IPO7: variants seen among roughly 807,000 people sequenced by gnomAD.
IPO7 encodes importin-7.
Under a neutral mutation model 136.4 loss-of-function variants are expected in IPO7, and 13 were observed. The observed-to-expected ratio is 0.10, with a 90% CI of 0.06 to 0.15. The LOEUF (loss-of-function observed/expected upper bound fraction) is 0.15. IPO7 is among the 10% of genes least tolerant of loss of function. IPO7 has a pLI of 1.00. For synonymous variants in IPO7, 403 were observed against 404.4 expected, an observed-to-expected ratio of 1.00 and a Z score of 0.04; for missense variants, 857 against 1,240.6, an observed-to-expected ratio of 0.69 and a Z score of 4.65.
chr11:9,433,577 A>C lies in IPO7; in HGVS notation c.1889A>C (p.Gln630Pro), dbSNP rs760358330. 3.7e-6 allele frequency: 6 copies of C among 1,611,688 alleles called. No homozygotes were observed. Among genetic ancestry groups the C allele is most frequent in the Non-Finnish European group, 5.1e-6 (6 of 1,179,610 alleles). Reference sequence around the variant, plus strand: ...TTTTTTCTTCTCTTTTAGATAACCCAACAGCTTGAGGGAATCTGCTTACAG... The same window carrying C: ...TTTTTTCTTCTCTTTTAGATAACCCCACAGCTTGAGGGAATCTGCTTACAG... ...SVVEDHKEIT[Q>P]QLEGICLQVI... The change falls in exon 17 of 25, where the codon CAA (glutamine) becomes CCA (proline). Residue 630 changes from glutamine (Q) to proline (P), a missense_variant. This residue lies in a region of IPO7 where 190 missense variants were observed against 249.0 expected (regional missense o/e 0.76). Coordinates refer to ENST00000379719, the MANE Select transcript of IPO7 (RefSeq NM_006391.3).
At chr11:9,422,955 G>T in intron 8 of IPO7, 51 bp from the exon 9 acceptor site, 1 of 1,272,416 alleles carries the variant, frequency 7.9e-7, no homozygotes, top group Non-Finnish European at 1.1e-6. Context: ...CTTGTAAGTG[G>T]TTGAAATTTC....
intron 10 of IPO7, among the ~76,000 whole-genome samples, chr11:9,424,701 C>T (rs1468598814): frequency 6.6e-6 from 1 of 152,210 alleles, no homozygotes; most frequent in Non-Finnish European, 1.5e-5. Flanking sequence ...CGAGATCGCC[C>T]ACTGCACTCC....
At chr11:9,406,015 A>G (rs531357570) in intron 2 of IPO7, among the ~76,000 whole-genome samples, 3 of 151,822 alleles carry the variant, frequency 2.0e-5, no homozygotes, top group South Asian at 4.2e-4. Context: ...TAGCCTGCCA[A>G]ACATCTGGGG....
chr11:9,394,240 C>A lies in IPO7; in HGVS notation c.85-9050C>A, dbSNP rs115457743. Reference sequence around the variant, plus strand: ...CAGAGGGGAAAGCAATTTCTGATTACAGTGTTAGTGAGTGGAATGCTAGTA... The same window carrying A: ...CAGAGGGGAAAGCAATTTCTGATTAAAGTGTTAGTGAGTGGAATGCTAGTA... On this transcript the variant is annotated intron_variant, in intron 1 of 24. Transcript: ENST00000379719. 5.0e-3 allele frequency among the ~76,000 whole-genome samples: 754 copies of A among 152,180 alleles called. 4 individuals are homozygous for A. Among genetic ancestry groups the A allele is most frequent in the Non-Finnish European group, 8.3e-3 (564 of 68,006 alleles).
intron 5 of IPO7, 29 bp downstream of exon 5, chr11:9,414,440 T>TAA: frequency 6.9e-7 from 1 of 1,452,046 alleles, no homozygotes; most frequent in Non-Finnish European, 9.4e-7. Context: ...TTTTTATGCA[T>TAA]AAAAAGTTAG....
At chr11:9,418,370 A>G (rs1369223744) in intron 6 of IPO7, among the ~76,000 whole-genome samples, 2 of 152,052 alleles carry the variant, frequency 1.3e-5, no homozygotes, top group Admixed American at 6.6e-5. Context: ...TGCCTAGCCT[A>G]TTTTACAGTG....
chr11:9,420,087 G>T (rs1217142138), intron 6 of IPO7, among the ~76,000 whole-genome samples: 4 of 152,192 alleles, frequency 2.6e-5, no homozygotes, highest in African/African-American at 7.2e-5. Flanking sequence ...ACTTTGGGAG[G>T]CGGAGGCGGG....
chr11:9,402,573 A>G (rs894917025), intron 1 of IPO7, among the ~76,000 whole-genome samples: 2 of 151,586 alleles, frequency 1.3e-5, no homozygotes, highest in African/African-American at 4.9e-5. Flanking sequence ...AATATAAAAA[A>G]TTAGGGCTGG....
At position 9,417,099 on chromosome 11, in the gene IPO7, C is replaced by A; in HGVS notation, c.677C>A (p.Thr226Lys). Residue 226 changes from threonine (T) to lysine (K), a missense_variant, in exon 6 of 25, where the codon ACA (threonine) becomes AAA (lysine). Thr to Lys is a moderately conservative substitution (Grantham distance 78). Coordinates refer to ENST00000379719, the MANE Select transcript of IPO7 (RefSeq NM_006391.3). ...GAACTGATAAACCAACAGAACCTGA[C>A]AGAATGGATAGAAATTTTAAAGACT... Reference protein sequence around the residue: ...PLELINQQNLTEWIEILKTVV... With the variant: ...PLELINQQNLKEWIEILKTVV... The A allele has an allele frequency of 6.4e-7, 1 of 1,570,268 alleles. No individual in the cohort carries two copies. Among genetic ancestry groups the A allele is most frequent in the Non-Finnish European group, 8.8e-7 (1 of 1,141,760 alleles).
In IPO7 at chr11:9,403,331, T is replaced by A; in HGVS notation, c.126T>A (p.Ile42=). ...SLNFVSTLLQ[I]TMSEQLDLPV... is the part of the protein sequence containing the mutation. ...ATTTTGTCTCAACACTGCTCCAGAT[T>A]ACTATGTCGGAACAGCTGGATTTAC... The change falls in exon 2 of 25, where the codon ATT becomes ATA. Residue 42 remains isoleucine (I), a synonymous_variant. Transcript: ENST00000379719. 1 of 1,613,964 alleles carries A rather than the reference T, an allele frequency of 6.2e-7. No individual in the cohort carries two copies. Among genetic ancestry groups the A allele is most frequent in the Non-Finnish European group, 8.5e-7 (1 of 1,179,882 alleles).
intron 12 of IPO7, among the ~76,000 whole-genome samples, chr11:9,426,840 C>T (rs1855216254): frequency 1.3e-5 from 2 of 152,082 alleles, no homozygotes; most frequent in Non-Finnish European, 2.9e-5. Context: ...TCGCTGCAGC[C>T]ACCAGTCTCC....
chr11:9,401,560 TTA>T (rs1491313966), intron 1 of IPO7, among the ~76,000 whole-genome samples: 1 of 79,412 alleles, frequency 1.3e-5, no homozygotes, highest in Non-Finnish European at 3.0e-5. Context: ...AAACAAAAAA[TTA>T]AAAAAAAAAA....
chr11:9,447,239 C>T lies in IPO7; in HGVS notation c.*2045C>T, dbSNP rs569557283. 2 of 152,204 alleles carry T rather than the reference C, an allele frequency of 1.3e-5. No homozygotes were observed. Among genetic ancestry groups the T allele is most frequent in the African/African-American group, 4.8e-5 (2 of 41,540 alleles). The allele number at this position is 152,204 out of a possible 1,614,324, so 9.4% of individuals were successfully genotyped here. A position where few individuals can be genotyped will look rare whatever the true frequency, so the allele number is the denominator to read the frequency against. ...ATATCTAATAAAGGTTTTAGTTATT[C>T]CCATGCACAGTATGAAAATTCTCAT... is the stretch of plus-strand genomic sequence containing the variant. On this transcript the variant is annotated 3_prime_UTR_variant, in exon 25 of 25. Transcript: ENST00000379719.
chr11:9,420,570 T>C (rs1343452239), intron 7 of IPO7, 44 bp from the exon 8 acceptor site: 13 of 1,559,868 alleles, frequency 8.3e-6, no homozygotes, highest in African/African-American at 1.4e-5. Flanking sequence ...AGTGCTAGCA[T>C]AAAGCATTAT....
At position 9,410,030 on chromosome 11, in the gene IPO7, C is replaced by T. The variant is rs1385870378; in HGVS notation, c.423C>T (p.Asn141=). ...TTGGCTTTTATCTTCAGTCCGATAA[C>T]AGTGCTTGTTGGCTAGGAATTCTTC... The part of the protein sequence containing the change: ...DKIGFYLQSD[N]SACWLGILLC... The change falls in exon 4 of 25, where the codon AAC becomes AAT. Residue 141 remains asparagine (N), a synonymous_variant. Transcript: ENST00000379719. 6.2e-7 allele frequency: 1 copy of T among 1,604,912 alleles called. No individual in the cohort carries two copies. The highest frequency in any genetic ancestry group is 1.7e-5 in the Admixed American group (1 of 58,204).
Position 9,428,521 on chromosome 11 carries a change from CTGT to C in IPO7, c.1336-14_1336-12del, listed in dbSNP as rs1855245184. ...TATATTTGGAACTGTATCAAAATAA[CTGT>C]TGTTTATATTTACAGAAAAAGATCT... On this transcript the variant is annotated splice_polypyrimidine_tract_variant and intron_variant, in intron 12 of 24. Transcript: ENST00000379719. The C allele has an allele frequency of 9.4e-7, 1 of 1,068,770 alleles. No individual in the cohort carries two copies. Among genetic ancestry groups the C allele is most frequent in the Non-Finnish European group, 1.4e-6 (1 of 715,422 alleles). 66.2% of individuals were successfully genotyped at this position (1,068,770 alleles called of 1,614,324 possible). A position where few individuals can be genotyped will look rare whatever the true frequency, so the allele number is the denominator to read the frequency against.
intron 19 of IPO7, 59 bp downstream of exon 19, chr11:9,435,090 G>T: frequency 9.8e-7 from 1 of 1,023,330 alleles, no homozygotes. Context: ...GTATGAAATT[G>T]TGAAAACTCA....
At chr11:9,423,626 T>C (rs1855164462) in intron 9 of IPO7, 151 bp from the exon 10 acceptor site, 3 of 527,304 alleles carry the variant, frequency 5.7e-6, no homozygotes, top group African/African-American at 2.0e-5. Context: ...AGTTTGATAG[T>C]TGATCTTAGA....
In IPO7 at chr11:9,430,055, G is replaced by A. The variant is rs553112582; in HGVS notation, c.1752+221G>A. 1.1e-4 allele frequency among the ~76,000 whole-genome samples: 17 copies of A among 152,258 alleles called. No homozygotes were observed. In the South Asian group the frequency reaches 3.5e-3, roughly 32 times the overall value. ...TCAGACAGGCAATGGTTTCTCATAA[G>A]GGGTGTGCAACCTAGATCCTTGAAT... On this transcript the variant is annotated intron_variant, in intron 15 of 24. Coordinates refer to ENST00000379719, the MANE Select transcript of IPO7 (RefSeq NM_006391.3).
Sources: allele counts gnomAD v4.1 joint callset (sites outside exome capture counted in the v4.1 genomes callset), GRCh38; gene constraint gnomAD v4.1.1; regional missense constraint gnomAD v4.1.1; transcripts MANE v1.5; gene names NCBI Gene and HGNC (gene_info 2026-07-23, HGNC 2026-07-21).